DACH2: variants seen among roughly 807,000 people sequenced by gnomAD.
DACH2 encodes the protein dachshund homolog 2.
DACH2 carries 17 observed loss-of-function variants against 35.8 expected under a neutral mutation model. The observed-to-expected ratio is 0.48, with a 90% CI of 0.33 to 0.71. DACH2 has a LOEUF of 0.71. DACH2 is among the 30% of genes least tolerant of loss of function. The pLI is 0.02. For missense variants in DACH2, 469 were observed against 472.7 expected (o/e 0.99, Z 0.07); for synonymous variants, 195 against 177.3 (o/e 1.10, Z -0.79).
At chrX:86,433,267 A>G (rs2037014010) in intron 2 of DACH2, among the ~76,000 whole-genome samples, 1 of 111,893 alleles carries the variant, frequency 8.9e-6, no homozygotes, top group South Asian at 3.7e-4. Context: ...CTCATCAATG[A>G]AATTATAGGC....
intron 7 of DACH2, among the ~76,000 whole-genome samples, chrX:86,779,535 T>A (rs893872734): frequency 4.5e-5 from 5 of 111,598 alleles, no homozygotes; most frequent in South Asian, 3.7e-4. Flanking sequence ...AGAAAAGAGA[T>A]ATAACCTGAT....
chrX:86,334,915 C>T (rs1358766805), intron 1 of DACH2, among the ~76,000 whole-genome samples: 1 of 111,931 alleles, frequency 8.9e-6, no homozygotes, highest in Non-Finnish European at 1.9e-5. Context: ...GTCTTTAATC[C>T]ATCTTGATTT....
intron 3 of DACH2, among the ~76,000 whole-genome samples, chrX:86,552,701 T>C (rs2039066436): frequency 1.8e-5 from 2 of 111,872 alleles, no homozygotes; most frequent in South Asian, 7.5e-4. Flanking sequence ...TATAGCAAGA[T>C]TTGTTACACA....
intron 6 of DACH2, among the ~76,000 whole-genome samples, chrX:86,731,648 G>T: frequency 1.8e-5 from 2 of 111,857 alleles, no homozygotes; most frequent in Middle Eastern, 9.2e-3. Context: ...ATTGCATTTG[G>T]ATCATTTTTT....
intron 1 of DACH2, among the ~76,000 whole-genome samples, chrX:86,281,239 C>T (rs180743776): frequency 2.2e-4 from 24 of 111,308 alleles, no homozygotes; most frequent in Admixed American, 1.5e-3. Flanking sequence ...AACATCAGTG[C>T]GAAAATTCTC....
At chrX:86,435,598 G>A (rs1180441739) in intron 2 of DACH2, among the ~76,000 whole-genome samples, 1 of 111,746 alleles carries the variant, frequency 8.9e-6, no homozygotes, top group South Asian at 3.7e-4. Context: ...TTTTGCTTTG[G>A]AATGTCCACA....
At chrX:86,241,509 T>C (rs1410277953) in intron 1 of DACH2, among the ~76,000 whole-genome samples, 1 of 112,108 alleles carries the variant, frequency 8.9e-6, no homozygotes, top group African/African-American at 3.2e-5. Flanking sequence ...TTGGAACTTA[T>C]ATTTAAAAGG....
chrX:86,816,454 A>T (rs905239876), intron 11 of DACH2, among the ~76,000 whole-genome samples: 1 of 111,959 alleles, frequency 8.9e-6, no homozygotes, highest in Non-Finnish European at 1.9e-5. Context: ...GTACAATACC[A>T]TGAGGTATTT....
chrX:86,323,324 C>T (rs997743060), intron 1 of DACH2, among the ~76,000 whole-genome samples: 2 of 112,071 alleles, frequency 1.8e-5, no homozygotes, highest in African/African-American at 3.2e-5. Context: ...CGGACATTCA[C>T]TGGGGTAGGG....
intron 1 of DACH2, among the ~76,000 whole-genome samples, chrX:86,336,957 A>G (rs2035322969): frequency 1.8e-5 from 2 of 108,208 alleles, no homozygotes; most frequent in Non-Finnish European, 3.8e-5. Context: ...TGAATCGATC[A>G]AGCAGAAGAA....
At chrX:86,323,909 A>G (rs2035063120) in intron 1 of DACH2, among the ~76,000 whole-genome samples, 1 of 111,927 alleles carries the variant, frequency 8.9e-6, no homozygotes, top group Non-Finnish European at 1.9e-5. Context: ...CTTGGTTTTT[A>G]AAATAGTTCT....
intron 1 of DACH2, among the ~76,000 whole-genome samples, chrX:86,324,571 C>CT (rs56918891): frequency 0.03 from 1,207 of 40,615 alleles, 45 homozygotes; most frequent in East Asian, 0.2. Flanking sequence ...TCACTGTTGT[C>CT]TTTTTTTTTT....
intron 7 of DACH2, among the ~76,000 whole-genome samples, chrX:86,808,996 C>T (rs1370824506): frequency 9.0e-6 from 1 of 111,536 alleles, no homozygotes; most frequent in Non-Finnish European, 1.9e-5. Flanking sequence ...ATCTATTCAT[C>T]TGGGCTCTAC....
intron 1 of DACH2, among the ~76,000 whole-genome samples, chrX:86,295,566 G>T (rs1420975014): frequency 1.8e-5 from 2 of 111,497 alleles, no homozygotes; most frequent in African/African-American, 3.3e-5. Flanking sequence ...AGCCCATGGT[G>T]GTGAGGCTTG....
intron 1 of DACH2, chrX:86,305,173 T>G (rs1275477946): frequency 3.2e-5 from 4 of 126,729 alleles, no homozygotes; most frequent in Non-Finnish European, 6.7e-5. Flanking sequence ...GCTCTATATC[T>G]CTCCTTCTGT....
intron 1 of DACH2, among the ~76,000 whole-genome samples, chrX:86,212,645 T>C (rs1319582384): frequency 1.8e-5 from 2 of 111,330 alleles, no homozygotes; most frequent in Non-Finnish European, 3.8e-5. Flanking sequence ...GACATCGTTT[T>C]TCCTTCTTGC....
intron 11 of DACH2, among the ~76,000 whole-genome samples, chrX:86,816,559 A>G (rs1160720064): frequency 8.9e-6 from 1 of 112,187 alleles, no homozygotes; most frequent in Non-Finnish European, 1.9e-5. Flanking sequence ...CATTTTTTTC[A>G]TCCTTTAAAT....
At chrX:86,483,782 T>G (rs995792633) in intron 2 of DACH2, among the ~76,000 whole-genome samples, 1 of 110,691 alleles carries the variant, frequency 9.0e-6, no homozygotes, top group African/African-American at 3.3e-5. Flanking sequence ...CAGTGAGCCG[T>G]AATCATGTCA....
intron 1 of DACH2, among the ~76,000 whole-genome samples, chrX:86,319,156 G>C (rs1602399003): frequency 9.0e-6 from 1 of 111,707 alleles, no homozygotes; most frequent in African/African-American, 3.2e-5. Context: ...TTTTATTTCA[G>C]AGTTTAATTT....
Sources: gnomAD v4.1 joint callset for allele counts (sites outside exome capture counted in the v4.1 genomes callset) on GRCh38, gnomAD v4.1.1 for gene constraint, MANE v1.5 for transcripts, NCBI Gene and HGNC (gene_info 2026-07-23, HGNC 2026-07-21) for gene names.